SHROOM4: variants seen among roughly 807,000 people sequenced by gnomAD.
SHROOM4 encodes shroom family member 4.
In SHROOM4, 17 loss-of-function variants were observed where a neutral mutation model predicts 80.3. That is an observed-to-expected ratio of 0.21 (90% CI 0.14 to 0.32). The LOEUF (loss-of-function observed/expected upper bound fraction) is 0.32. SHROOM4 is among the 10% of genes least tolerant of loss of function. SHROOM4 has a pLI of 1.00. For missense variants in SHROOM4, 993 were observed against 1,140.3 expected (o/e 0.87, Z 1.86); for synonymous variants, 400 against 437.5 (o/e 0.91, Z 1.07).
intron 2 of SHROOM4, among the ~76,000 whole-genome samples, chrX:50,679,405 C>T (rs1932898372): frequency 9.0e-6 from 1 of 111,582 alleles, no homozygotes; most frequent in Non-Finnish European, 1.9e-5. Flanking sequence ...CTATGCTGTC[C>T]ATTTCTTTTC....
rs1557246018 is a variant in SHROOM4, at chrX:50,593,928, C to T, written c.*2767G>A. On this transcript the variant is annotated 3_prime_UTR_variant, in exon 9 of 9. Coordinates refer to ENST00000376020, the MANE Select transcript of SHROOM4 (RefSeq NM_020717.5). Reference sequence around the variant, plus strand: ...AGCTATATCCTGGTTGAGTCTCCAGCTGTGGGACTCAGGAAGATTCAATTA... The same window carrying T: ...AGCTATATCCTGGTTGAGTCTCCAGTTGTGGGACTCAGGAAGATTCAATTA... 8.9e-6 allele frequency: 1 copy of T among 112,085 alleles called. No individual in the cohort carries two copies. The highest frequency in any genetic ancestry group is 1.9e-5 in the Non-Finnish European group (1 of 53,288). 9.2% of individuals were successfully genotyped at this position (112,085 alleles called of 1,213,427 possible).
chrX:50,635,517 G>A lies in SHROOM4; in HGVS notation c.556C>T (p.Arg186Cys), dbSNP rs1436353265. ...GAGAAGGAGCTGTAGGCTGAGTCAC[G>A]CTGGTTAGGGTACATGTTCTGGTCA... ...PIDQNMYPNQ[R>C]DSAYSSFSAS... Residue 186 changes from arginine (R) to cysteine (C), a missense_variant, in exon 4 of 9, where the codon CGT becomes TGT. Arg to Cys is a radical substitution (Grantham distance 180). Transcript: ENST00000376020. The A allele has an allele frequency of 1.7e-6, 2 of 1,210,855 alleles. No individual in the cohort carries two copies. The highest frequency in any genetic ancestry group is 2.2e-6 in the Non-Finnish European group (2 of 895,167).
chrX:50,662,576 G>A (rs2147372168), intron 2 of SHROOM4, among the ~76,000 whole-genome samples: 1 of 111,644 alleles, frequency 9.0e-6, no homozygotes, highest in African/African-American at 3.2e-5. Flanking sequence ...AAGCTGCAAT[G>A]ATGAAACAAA....
chrX:50,673,135 G>A (rs903899801), intron 2 of SHROOM4, among the ~76,000 whole-genome samples: 4 of 111,511 alleles, frequency 3.6e-5, no homozygotes, highest in Admixed American at 9.5e-5. Context: ...TATGTATATG[G>A]GTAAATAAAA....
chrX:50,723,959 C>T (rs1169948276), intron 1 of SHROOM4, among the ~76,000 whole-genome samples: 5 of 110,369 alleles, frequency 4.5e-5, no homozygotes, highest in African/African-American at 1.6e-4. Flanking sequence ...ACAGCCACAC[C>T]TCATTGCCAC....
At chrX:50,688,522 T>C (rs1390389086) in intron 2 of SHROOM4, among the ~76,000 whole-genome samples, 1 of 111,200 alleles carries the variant, frequency 9.0e-6, no homozygotes, top group Non-Finnish European at 1.9e-5. Context: ...AAGCTAAAAA[T>C]ATTGATCTCA....
In SHROOM4 at chrX:50,803,105, G is replaced by A. The variant is rs988833344; in HGVS notation, c.117+10797C>T. ...CTCGGGAGGCTGAGGTAGGAGAATC[G>A]CTTGAACCCGGGAGGCGGAGGTTGC... On this transcript the variant is annotated intron_variant, in intron 1 of 8. Transcript: ENST00000376020. 6.2e-5 allele frequency among the ~76,000 whole-genome samples: 7 copies of A among 112,061 alleles called. No homozygotes were observed. In the South Asian group the frequency reaches 1.1e-3, roughly 18 times the overall value.
At position 50,607,834 on chromosome X, in the gene SHROOM4, C is replaced by T. The variant is rs782237585; in HGVS notation, c.3308G>A (p.Arg1103His). ...GARKKAFPPP[R>H]PPPPNWEKYR... ...CTTCTCCCAGTTGGGAGGAGGAGGG[C>T]GAGGAGGAGGAAAGGCCTTCTTCCT... is the stretch of plus-strand genomic sequence containing the variant. The change falls in exon 6 of 9, where the codon CGC becomes CAC. Residue 1103 changes from arginine to histidine, a missense_variant. Arg to His is a conservative substitution (Grantham distance 29). Coordinates refer to ENST00000376020, the MANE Select transcript of SHROOM4 (RefSeq NM_020717.5). 26 of 1,207,271 alleles carry T rather than the reference C, an allele frequency of 2.2e-5. No individual in the cohort carries two copies. The Admixed American group carries it at 4.6e-4, about 21-fold the overall frequency.
At chrX:50,603,318 C>A (rs1225450912) in intron 6 of SHROOM4, among the ~76,000 whole-genome samples, 1 of 110,820 alleles carries the variant, frequency 9.0e-6, no homozygotes, top group Non-Finnish European at 1.9e-5. Context: ...CCTGGACACT[C>A]TCATCATTTT....
chrX:50,688,319 G>A (rs923052275), intron 2 of SHROOM4, among the ~76,000 whole-genome samples: 5 of 111,009 alleles, frequency 4.5e-5, no homozygotes, highest in Non-Finnish European at 5.7e-5. Context: ...ATCCAGCTGA[G>A]ATATAAAATC....
chrX:50,710,613 C>T (rs1345038905), intron 1 of SHROOM4, among the ~76,000 whole-genome samples: 1 of 111,123 alleles, frequency 9.0e-6, no homozygotes, highest in Non-Finnish European at 1.9e-5. Flanking sequence ...GTCAGCATCA[C>T]GAAATACACC....
chrX:50,724,097 C>T (rs1934192230), intron 1 of SHROOM4, among the ~76,000 whole-genome samples: 1 of 110,463 alleles, frequency 9.1e-6, no homozygotes, highest in Non-Finnish European at 1.9e-5. Flanking sequence ...CCCATTAAAA[C>T]CTAATCACCC....
chrX:50,607,833 G>A lies in SHROOM4; in HGVS notation c.3309C>T (p.Arg1103=). ...GARKKAFPPP[R]PPPPNWEKYR... is the part of the protein sequence containing the mutation. ...ACTTCTCCCAGTTGGGAGGAGGAGGGCGAGGAGGAGGAAAGGCCTTCTTCC... is the reference window on the plus strand; with the variant it reads ...ACTTCTCCCAGTTGGGAGGAGGAGGACGAGGAGGAGGAAAGGCCTTCTTCC... The change falls in exon 6 of 9, where the codon CGC becomes CGT. Residue 1103 remains arginine (R), a synonymous_variant. Coordinates refer to ENST00000376020, the MANE Select transcript of SHROOM4 (RefSeq NM_020717.5). 8.3e-7 allele frequency: 1 copy of A among 1,209,698 alleles called. No individual in the cohort carries two copies. The highest frequency in any genetic ancestry group is 1.1e-6 in the Non-Finnish European group (1 of 894,367).
chrX:50,752,027 T>G (rs145088942), intron 1 of SHROOM4, among the ~76,000 whole-genome samples: 6,576 of 112,161 alleles, frequency 0.059, 441 homozygotes, highest in African/African-American at 0.2. Context: ...CATATCTGCA[T>G]CTGATAATAC....
intron 2 of SHROOM4, among the ~76,000 whole-genome samples, chrX:50,649,403 G>A (rs1169390960): frequency 9.0e-6 from 1 of 111,721 alleles, no homozygotes; most frequent in Non-Finnish European, 1.9e-5. Flanking sequence ...CAAAGGAGAC[G>A]GGGGATGATA....
At chrX:50,797,373 G>T (rs1301162445) in intron 1 of SHROOM4, among the ~76,000 whole-genome samples, 1 of 112,027 alleles carries the variant, frequency 8.9e-6, no homozygotes, top group Non-Finnish European at 1.9e-5. Context: ...GATAGGGAAA[G>T]ATCTCTAGGA....
At chrX:50,603,092 A>C (rs1226465366) in intron 6 of SHROOM4, among the ~76,000 whole-genome samples, 1 of 111,709 alleles carries the variant, frequency 9.0e-6, no homozygotes, top group East Asian at 2.8e-4. Context: ...ACACTCAATT[A>C]AAATCCAGAA....
At chrX:50,615,872 T>C (rs963927132) in intron 5 of SHROOM4, among the ~76,000 whole-genome samples, 1 of 112,165 alleles carries the variant, frequency 8.9e-6, no homozygotes, top group Non-Finnish European at 1.9e-5. Flanking sequence ...GCGTATTTAT[T>C]TGGGGTAGCG....
At chrX:50,643,841 T>TA (rs782523871) in intron 2 of SHROOM4, among the ~76,000 whole-genome samples, 1 of 112,596 alleles carries the variant, frequency 8.9e-6, no homozygotes, top group South Asian at 3.7e-4. Context: ...TTGGGAAAGA[T>TA]AAAGCGGGTG....
Sources: gnomAD v4.1 joint callset for allele counts (sites outside exome capture counted in the v4.1 genomes callset) on GRCh38, gnomAD v4.1.1 for gene constraint, MANE v1.5 for transcripts, NCBI Gene and HGNC (gene_info 2026-07-23, HGNC 2026-07-21) for gene names.